Variants in SND1 observed in about 807,000 individuals in gnomAD.
SND1 encodes the protein staphylococcal nuclease and tudor domain containing 1.
A neutral mutation model predicts 121.7 loss-of-function variants in SND1; 38 were observed. The observed-to-expected ratio is 0.31, with a 90% CI of 0.24 to 0.41. The LOEUF (loss-of-function observed/expected upper bound fraction) is 0.41, where lower values mean the gene tolerates loss of function less well. SND1 is among the 10% of genes least tolerant of loss of function. The probability of loss-of-function intolerance (pLI) is 1.00; values close to 1 mark genes in which losing one functional copy is unlikely to be tolerated. For missense variants in SND1, 868 were observed against 1,184.6 expected (o/e 0.73, Z 3.92); for synonymous variants, 401 against 447.4 (o/e 0.90, Z 1.31).
At chr7:128,069,000 C>T (rs1397927227) in intron 16 of SND1, among the ~76,000 whole-genome samples, 2 of 152,230 alleles carry the variant, frequency 1.3e-5, no homozygotes, top group Non-Finnish European at 2.9e-5. Flanking sequence ...GAGCTGCTCT[C>T]CTGCAGGGCA....
intron 13 of SND1, among the ~76,000 whole-genome samples, chr7:127,888,680 C>G (rs1335766657): frequency 2.0e-5 from 3 of 152,070 alleles, no homozygotes; most frequent in Non-Finnish European, 2.9e-5. Flanking sequence ...TCCCAGACTT[C>G]CTGGGAAACA....
At chr7:128,089,793 G>C in intron 22 of SND1, 101 bp downstream of exon 22, 1 of 1,040,632 alleles carries the variant, frequency 9.6e-7, no homozygotes, top group Non-Finnish European at 1.4e-6. Context: ...CCACCATCCT[G>C]CTGTTCCTGC....
rs747824836 is a variant in SND1, at chr7:128,081,550, C to T, written c.2110+49C>T. The stretch of plus-strand genomic sequence containing the variant: ...GTGGTTCCTGGCTTGGTCCAGCTGG[C>T]GCTGCCTGGGGGTAGGGGGCCTCTG... On this transcript the variant is annotated intron_variant, in intron 18 of 23. Transcript: ENST00000354725. 8.1e-6 allele frequency: 13 copies of T among 1,606,552 alleles called. No homozygotes were observed. In the East Asian group the frequency reaches 8.9e-5, roughly 11 times the overall value.
chr7:127,805,383 G>A (rs1240953258), intron 10 of SND1, among the ~76,000 whole-genome samples: 1 of 152,206 alleles, frequency 6.6e-6, no homozygotes, highest in Non-Finnish European at 1.5e-5. Context: ...TGATCTGGGA[G>A]AAGGAGCTAC....
intron 13 of SND1, among the ~76,000 whole-genome samples, chr7:127,900,459 A>T (rs542171959): frequency 7.2e-4 from 109 of 152,012 alleles, no homozygotes; most frequent in Admixed American, 1.8e-3. Flanking sequence ...CTAAGAGCAG[A>T]CTCTTCCTTG....
At chr7:127,977,372 A>G (rs1476159145) in intron 15 of SND1, among the ~76,000 whole-genome samples, 1 of 152,244 alleles carries the variant, frequency 6.6e-6, no homozygotes, top group African/African-American at 2.4e-5. Flanking sequence ...AGATGTTGCA[A>G]GTCTCTTCAA....
chr7:127,971,875 C>T (rs921359669), intron 15 of SND1, among the ~76,000 whole-genome samples: 2 of 150,604 alleles, frequency 1.3e-5, no homozygotes, highest in Admixed American at 6.6e-5. Context: ...TGGGTTCAAG[C>T]AATTCTCCTG....
At chr7:127,679,553 C>A (rs1184239341) in intron 1 of SND1, among the ~76,000 whole-genome samples, 4 of 152,270 alleles carry the variant, frequency 2.6e-5, no homozygotes, top group African/African-American at 9.6e-5. Context: ...ATTTTCATCA[C>A]CTCCAAAGAA....
At chr7:127,922,194 T>TTTTTTTTGTTTTTTTTTTGTTTTTTTTTG (rs1800729345) in intron 14 of SND1, among the ~76,000 whole-genome samples, 2 of 63,638 alleles carry the variant, frequency 3.1e-5, no homozygotes, top group African/African-American at 9.3e-5. Context: ...TTTTTTTTTT[T>TTTTTTTTGTTTTTTTTTTGTTTTTTTTTG]TTTTTTTTTG....
At chr7:127,857,794 T>G in intron 12 of SND1, 1 of 721,234 alleles carries the variant, frequency 1.4e-6, no homozygotes, top group Non-Finnish European at 2.5e-6. Flanking sequence ...CACTTGGACC[T>G]CCTCCACAAA....
At chr7:127,851,964 C>T (rs953195305) in intron 12 of SND1, among the ~76,000 whole-genome samples, 8 of 151,936 alleles carry the variant, frequency 5.3e-5, no homozygotes, top group African/African-American at 4.8e-5. Flanking sequence ...CGAATCCAGC[C>T]TGGGCAACAT....
intron 22 of SND1, 49 bp downstream of exon 22, chr7:128,089,741 G>A: frequency 6.5e-7 from 1 of 1,535,862 alleles, no homozygotes; most frequent in Non-Finnish European, 9.0e-7. Context: ...CACCCTCACA[G>A]AGAAAGGGAC....
chr7:127,846,028 C>T (rs1048738766), intron 12 of SND1, among the ~76,000 whole-genome samples: 1 of 152,186 alleles, frequency 6.6e-6, no homozygotes, highest in African/African-American at 2.4e-5. Context: ...CTCTTTCAGC[C>T]TTCCTCTCTG....
chr7:127,892,577 C>A (rs943501826), intron 13 of SND1, among the ~76,000 whole-genome samples: 5 of 152,136 alleles, frequency 3.3e-5, no homozygotes, highest in Admixed American at 1.3e-4. Context: ...ACCTCACATT[C>A]CCAAAAGGCG....
chr7:127,961,481 T>C (rs1057225277), intron 15 of SND1, among the ~76,000 whole-genome samples: 13 of 152,244 alleles, frequency 8.5e-5, no homozygotes, highest in African/African-American at 3.1e-4. Context: ...AATTAAATTC[T>C]TTGATTAAGT....
intron 11 of SND1, among the ~76,000 whole-genome samples, chr7:127,823,765 T>C (rs1434891726): frequency 1.3e-5 from 2 of 152,178 alleles, no homozygotes; most frequent in African/African-American, 4.8e-5. Context: ...TTCTATTCAC[T>C]TTGACATATT....
chr7:127,652,256 G>A lies in SND1; in HGVS notation c.-118G>A, dbSNP rs1795133524. 3 of 853,926 alleles carry A rather than the reference G, an allele frequency of 3.5e-6. No individual in the cohort carries two copies. The highest frequency in any genetic ancestry group is 1.7e-5 in the African/African-American group (1 of 59,642). 52.9% of individuals were successfully genotyped at this position (853,926 alleles called of 1,614,324 possible). A position where few individuals can be genotyped will look rare whatever the true frequency, so the allele number is the denominator to read the frequency against. ...GCCCGGCGAGTCCGTCCCGTCCACC[G>A]TCCGCAGCTGGTAGCCAGCCTGCCC... On this transcript the variant is annotated 5_prime_UTR_variant, in exon 1 of 24. Transcript: ENST00000354725.
chr7:128,040,877 G>T (rs1792843289), intron 16 of SND1, among the ~76,000 whole-genome samples: 1 of 152,206 alleles, frequency 6.6e-6, no homozygotes, highest in Non-Finnish European at 1.5e-5. Context: ...CCATCAAGCT[G>T]CCTTGCACAG....
chr7:127,980,717 G>A (rs1302668173), intron 15 of SND1, among the ~76,000 whole-genome samples: 1 of 152,140 alleles, frequency 6.6e-6, no homozygotes, highest in East Asian at 1.9e-4. Context: ...AAAACAGCTT[G>A]GTCTAGAAAA....
Sources: allele counts gnomAD v4.1 joint callset (sites outside exome capture counted in the v4.1 genomes callset), GRCh38; gene constraint gnomAD v4.1.1; transcripts MANE v1.5; gene names NCBI Gene and HGNC (gene_info 2026-07-23, HGNC 2026-07-21).